ATP2C1: variants seen among roughly 807,000 people sequenced by gnomAD.
ATP2C1 encodes calcium-transporting ATPase type 2C member 1.
A neutral mutation model predicts 120.5 loss-of-function variants in ATP2C1; 31 were observed. The ratio of observed to expected loss-of-function variants is 0.26; its 90% CI spans 0.19 to 0.35. The LOEUF (loss-of-function observed/expected upper bound fraction) is 0.35. ATP2C1 is among the 10% of genes least tolerant of loss of function. The pLI, the probability that ATP2C1 is intolerant of heterozygous loss-of-function variation, is 1.00. For missense variants in ATP2C1, 731 were observed against 1,107.5 expected (o/e 0.66, Z 4.83); for synonymous variants, 351 against 358.7 (o/e 0.98, Z 0.24).
At chr3:130,869,578 G>A (rs567181109) in intron 1 of ATP2C1, among the ~76,000 whole-genome samples, 1 of 151,960 alleles carries the variant, frequency 6.6e-6, no homozygotes, top group African/African-American at 2.4e-5. Context: ...GAAATTAAAA[G>A]TGCTACTCCA....
At chr3:130,864,688 T>TTAGG (rs978693461) in intron 1 of ATP2C1, among the ~76,000 whole-genome samples, 2 of 152,192 alleles carry the variant, frequency 1.3e-5, no homozygotes, top group African/African-American at 4.8e-5. Context: ...AATGTACAGC[T>TTAGG]CAGGCTATGG....
chr3:131,015,209 T>C (rs1478405257), intron 26 of ATP2C1: 1 of 702,430 alleles, frequency 1.4e-6, no homozygotes, highest in Admixed American at 2.0e-5. Context: ...CCCACCATAT[T>C]TTGTATGCGT....
At chr3:130,960,748 G>A (rs1331412136) in intron 12 of ATP2C1, among the ~76,000 whole-genome samples, 2 of 152,146 alleles carry the variant, frequency 1.3e-5, no homozygotes, top group African/African-American at 2.4e-5. Flanking sequence ...TCATAAATCT[G>A]TAAATTGGGC....
chr3:130,941,950 C>A (rs1411507663), intron 8 of ATP2C1, among the ~76,000 whole-genome samples: 1 of 151,786 alleles, frequency 6.6e-6, no homozygotes, highest in African/African-American at 2.4e-5. Flanking sequence ...GTGGGAGATA[C>A]AAAGATGATA....
intron 8 of ATP2C1, among the ~76,000 whole-genome samples, chr3:130,949,964 C>T (rs1051226264): frequency 6.6e-6 from 1 of 152,088 alleles, no homozygotes; most frequent in Non-Finnish European, 1.5e-5. Flanking sequence ...ATTCTAGACT[C>T]GAGAGGTGAT....
chr3:131,016,424 T>A, exon 27 of ATP2C1: 1 of 1,422,052 alleles, frequency 7.0e-7, no homozygotes, highest in Non-Finnish European at 9.8e-7. Flanking sequence ...ACAAATTCTA[T>A]AAAGAAAGAA....
At chr3:130,903,700 C>CTTTCCTTTCCTTTCCTTTCCTTTCCTTT (rs1177824482) in intron 2 of ATP2C1, among the ~76,000 whole-genome samples, 1 of 138,498 alleles carries the variant, frequency 7.2e-6, no homozygotes, top group African/African-American at 2.8e-5. Flanking sequence ...TTCCCCTTTC[C>CTTTCCTTTCCTTTCCTTTCCTTTCCTTT]CCTTTCCTTT....
intron 17 of ATP2C1, 49 bp from the exon 18 acceptor site, chr3:130,975,281 AGG>A: frequency 6.3e-7 from 1 of 1,579,928 alleles, no homozygotes; most frequent in Non-Finnish European, 8.7e-7. Flanking sequence ...CTCCAATGGC[AGG>A]TAAGTACAAG....
chr3:130,979,227 T>G, intron 18 of ATP2C1, 22 bp from the exon 19 acceptor site: 2 of 1,613,008 alleles, frequency 1.2e-6, no homozygotes. Flanking sequence ...TTGTTGTTGT[T>G]TGGATTTTAT....
chr3:130,961,676 GA>G (rs1289991334), intron 12 of ATP2C1, among the ~76,000 whole-genome samples: 2 of 152,020 alleles, frequency 1.3e-5, no homozygotes, highest in African/African-American at 2.4e-5. Flanking sequence ...AGGTGTAAAA[GA>G]AGTCTAAAGG....
intron 20 of ATP2C1, among the ~76,000 whole-genome samples, chr3:130,987,817 T>C (rs1335087096): frequency 2.0e-5 from 3 of 152,258 alleles, no homozygotes; most frequent in Non-Finnish European, 4.4e-5. Flanking sequence ...ACACATTTCA[T>C]TCTCCTTTTG....
chr3:130,972,222 G>A (rs1042036875), intron 17 of ATP2C1, among the ~76,000 whole-genome samples: 39 of 152,188 alleles, frequency 2.6e-4, no homozygotes, highest in African/African-American at 8.9e-4. Flanking sequence ...AGCTCAGGCA[G>A]TAGTGCTCTC....
intron 17 of ATP2C1, among the ~76,000 whole-genome samples, chr3:130,974,944 T>G (rs1364573623): frequency 6.6e-6 from 1 of 152,146 alleles, no homozygotes; most frequent in East Asian, 1.9e-4. Context: ...TACAGTGTGA[T>G]TGGGAGAATT....
chr3:130,917,468 G>A (rs2058739316), intron 2 of ATP2C1, among the ~76,000 whole-genome samples: 1 of 152,138 alleles, frequency 6.6e-6, no homozygotes, highest in Admixed American at 6.5e-5. Context: ...GTTTGCAATT[G>A]TGTTTAACAC....
At chr3:130,906,080 C>CT (rs1423804617) in intron 2 of ATP2C1, among the ~76,000 whole-genome samples, 1 of 151,950 alleles carries the variant, frequency 6.6e-6, no homozygotes, top group Admixed American at 6.6e-5. Context: ...CTGGGTTTTT[C>CT]TTTTTCAAGA....
intron 11 of ATP2C1, among the ~76,000 whole-genome samples, chr3:130,957,582 TG>T (rs2108579878): frequency 6.6e-6 from 1 of 152,316 alleles, no homozygotes; most frequent in African/African-American, 2.4e-5. Context: ...GTCTCATTCT[TG>T]TTGCTCAGGC....
intron 4 of ATP2C1, among the ~76,000 whole-genome samples, chr3:130,932,670 T>A (rs1201928361): frequency 6.6e-6 from 1 of 152,148 alleles, no homozygotes; most frequent in Non-Finnish European, 1.5e-5. Context: ...GAAAGACTTA[T>A]TCTAGACTGC....
At chr3:130,952,008 A>T (rs188764589) in intron 8 of ATP2C1, among the ~76,000 whole-genome samples, 1 of 152,198 alleles carries the variant, frequency 6.6e-6, no homozygotes, top group Admixed American at 6.5e-5. Context: ...CCTGTCCCCA[A>T]GGTCTTTGTA....
Position 130,930,478 on chromosome 3 carries a change from A to T in ATP2C1, c.69A>T (p.Ser23=). 2 of 1,611,392 alleles carry T rather than the reference A, an allele frequency of 1.2e-6. No individual in the cohort carries two copies. The highest frequency in any genetic ancestry group is 1.7e-6 in the Non-Finnish European group (2 of 1,177,616). Residue 23 remains serine, a synonymous_variant, in exon 3 of 28, where the codon TCA becomes TCT. Coordinates refer to ENST00000510168, the MANE Select transcript of ATP2C1 (RefSeq NM_001378687.1). ...AGACAATGATTCCTGTATTGACATC[A>T]AAAAAAGCAAGTGAATTACCAGTCA... ...ENETMIPVLT[S]KKASELPVSE... is the part of the protein sequence containing the mutation.
Sources: allele counts gnomAD v4.1 joint callset (sites outside exome capture counted in the v4.1 genomes callset), GRCh38; gene constraint gnomAD v4.1.1; transcripts MANE v1.5; gene names NCBI Gene and HGNC (gene_info 2026-07-23, HGNC 2026-07-21).